Variants in IGSF10 observed in about 807,000 individuals in gnomAD.
IGSF10 encodes immunoglobulin superfamily member 10, also known as calvaria mechanical force protein 608.
Under a neutral mutation model 128.2 loss-of-function variants are expected in IGSF10, and 126 were observed. The ratio of observed to expected loss-of-function variants is 0.98; its 90% CI spans 0.85 to 1.14. IGSF10 has a LOEUF of 1.14. IGSF10 is among the 50% of genes most tolerant of loss of function. IGSF10 has a pLI of 0.00. For synonymous variants in IGSF10, 1,185 were observed against 1,146.2 expected (o/e 1.03, Z -0.68); for missense variants, 3,295 against 3,149.8 (o/e 1.05, Z -1.10).
At chr3:151,508,622 G>A in the IGSF10 span, among the ~76,000 whole-genome samples, 13 of 152,104 alleles carry the variant, frequency 8.5e-5, no homozygotes, top group East Asian at 2.5e-3. Context: ...TCCTATGTTG[G>A]TCAAATATTT....
At chr3:151,504,561 T>C in the IGSF10 span, among the ~76,000 whole-genome samples, 1 of 152,200 alleles carries the variant, frequency 6.6e-6, no homozygotes, top group East Asian at 1.9e-4. Flanking sequence ...GTTCCAATAG[T>C]TACATATCAA....
chr3:151,436,931 C>T lies in IGSF10; in HGVS notation c.7630G>A (p.Ala2544Thr), dbSNP rs1223430810. 1 of 1,614,138 alleles carries T rather than the reference C, an allele frequency of 6.2e-7. No homozygotes were observed. The highest frequency in any genetic ancestry group is 1.3e-5 in the African/African-American group (1 of 75,050). ...GCCACACAGTGGAGCTGAAAGGCTG[C>T]CCCTGTCCTGGTGACAATACTCCTG... Reference protein sequence around the residue: ...PPRSIVTRTGAAFQLHCVALG... With the variant: ...PPRSIVTRTGTAFQLHCVALG... Residue 2544 changes from alanine (A) to threonine (T), a missense_variant, in exon 8 of 8, where the codon GCA becomes ACA. Ala to Thr is a moderately conservative substitution (Grantham distance 58). Transcript: ENST00000282466.
At chr3:151,586,171 G>A in the IGSF10 span, among the ~76,000 whole-genome samples, 1 of 151,966 alleles carries the variant, frequency 6.6e-6, no homozygotes, top group Admixed American at 6.6e-5. Context: ...CATTGCCCAG[G>A]CTGGTCTCAA....
At chr3:151,613,452 G>T in the IGSF10 span, among the ~76,000 whole-genome samples, 3 of 152,160 alleles carry the variant, frequency 2.0e-5, no homozygotes, top group African/African-American at 4.8e-5. Flanking sequence ...AACCAAAACA[G>T]CATGGTACTG....
In IGSF10 at chr3:151,437,059, C is replaced by G; in HGVS notation, c.7502G>C (p.Arg2501Thr). 6.2e-7 allele frequency: 1 copy of G among 1,614,212 alleles called. No individual in the cohort carries two copies. The change falls in exon 8 of 8, where the codon AGA (arginine) becomes ACA (threonine). Residue 2501 changes from arginine to threonine, a missense_variant. By Grantham distance (71) the Arg-to-Thr change is moderately conservative (BLOSUM62 -1). Transcript: ENST00000282466. ...TTGAGCCTTACAGATATAGTTTCCTCTGTCATAAGCTGTTGCTTCTTTAAT... is the reference window on the plus strand; with the variant it reads ...TTGAGCCTTACAGATATAGTTTCCTGTGTCATAAGCTGTTGCTTCTTTAAT... Reference protein sequence around the residue: ...LVIKEATAYDRGNYICKAQNS... With the variant: ...LVIKEATAYDTGNYICKAQNS...
chr3:151,486,958 A>G, the IGSF10 span, among the ~76,000 whole-genome samples: 1 of 152,218 alleles, frequency 6.6e-6, no homozygotes, highest in East Asian at 1.9e-4. Flanking sequence ...TTCAAAAGCT[A>G]GCAGAAGACA....
the IGSF10 span, among the ~76,000 whole-genome samples, chr3:151,538,833 C>A: frequency 6.6e-6 from 1 of 152,154 alleles, no homozygotes; most frequent in South Asian, 2.1e-4. Flanking sequence ...ACCCTTAAAA[C>A]CATTATAATT....
intron 6 of IGSF10, among the ~76,000 whole-genome samples, chr3:151,444,606 C>A (rs925382894): frequency 6.6e-6 from 1 of 152,170 alleles, no homozygotes. Context: ...CCACTGTGCT[C>A]AGCCTGGATT....
chr3:151,586,867 AG>A, the IGSF10 span, among the ~76,000 whole-genome samples: 3 of 152,078 alleles, frequency 2.0e-5, no homozygotes, highest in East Asian at 3.9e-4. Context: ...GAAAATGGAG[AG>A]GGGGGGAAAA....
At chr3:151,463,350 TA>T (rs752663372), upstream of IGSF10, among the ~76,000 whole-genome samples, 3 of 152,088 alleles carry the variant, frequency 2.0e-5, no homozygotes, top group Non-Finnish European at 2.9e-5. Context: ...TCAAAGCCTT[TA>T]TATGTATTGC....
the IGSF10 span, among the ~76,000 whole-genome samples, chr3:151,539,384 C>T: frequency 1.3e-5 from 2 of 152,086 alleles, no homozygotes; most frequent in African/African-American, 4.8e-5. Context: ...ATCAAATAGG[C>T]GAATTCACTC....
chr3:151,534,313 C>G, the IGSF10 span, among the ~76,000 whole-genome samples: 1 of 152,096 alleles, frequency 6.6e-6, no homozygotes, highest in Non-Finnish European at 1.5e-5. Flanking sequence ...GGTATATACC[C>G]AAAGGATTAT....
At position 151,443,007 on chromosome 3, in the gene IGSF10, CTTGGATGGTAACCTCCACATTA is replaced by C. The variant is rs759089028; in HGVS notation, c.5918_5939del (p.Ile1973ArgfsTer27). Reference sequence around the variant, plus strand: ...ACCTATGCTGCTGGTCGACCACAGCCTTGGATGGTAACCTCCACATTATTTGGGGTTTGGGCTCCCCAGTGGC... The same window carrying C: ...ACCTATGCTGCTGGTCGACCACAGCCTTTGGGGTTTGGGCTCCCCAGTGGC... On this transcript the variant is annotated frameshift_variant, in exon 7 of 8. Transcript: ENST00000282466. LOFTEE classifies it low-confidence loss of function (END_TRUNC). 2.5e-6 allele frequency: 4 copies of C among 1,614,062 alleles called. No homozygotes were observed. Among genetic ancestry groups the C allele is most frequent in the Non-Finnish European group, 3.4e-6 (4 of 1,179,950 alleles).
intron 7 of IGSF10, among the ~76,000 whole-genome samples, chr3:151,442,227 T>A (rs1356434036): frequency 3.3e-5 from 5 of 152,004 alleles, no homozygotes; most frequent in Admixed American, 6.6e-5. Context: ...AAAGAAAAAA[T>A]TAAGTACTGA....
In IGSF10 at chr3:151,453,469, G is replaced by A; in HGVS notation, c.630C>T (p.Asp210=). The A allele has an allele frequency of 1.2e-6, 2 of 1,613,968 alleles. No homozygotes were observed. Among genetic ancestry groups the A allele is most frequent in the East Asian group, 2.2e-5 (1 of 44,866 alleles). ...LPQEMVSYMP[D]LDSLYLHGNP... is the part of the protein sequence containing the mutation. ...TTCCATGCAGGTAAAGGCTGTCTAG[G>A]TCAGGCATATAGGAGACCATCTCTT... Residue 210 remains aspartate, a synonymous_variant, in exon 5 of 8, where the codon GAC becomes GAT. Transcript: ENST00000282466.
At chr3:151,529,085 G>A in the IGSF10 span, among the ~76,000 whole-genome samples, 15 of 152,236 alleles carry the variant, frequency 9.9e-5, no homozygotes, top group African/African-American at 7.2e-5. Context: ...CAAAGCTGCC[G>A]GGAGGTTCAA....
At chr3:151,573,740 T>C in the IGSF10 span, among the ~76,000 whole-genome samples, 4 of 152,222 alleles carry the variant, frequency 2.6e-5, no homozygotes, top group East Asian at 1.9e-4. Flanking sequence ...TTAAGGTTAA[T>C]GTTGTTATGT....
At chr3:151,524,462 A>G in the IGSF10 span, among the ~76,000 whole-genome samples, 1 of 152,186 alleles carries the variant, frequency 6.6e-6, no homozygotes, top group Non-Finnish European at 1.5e-5. Flanking sequence ...AAAGAATAAG[A>G]TCATGTCTTT....
chr3:151,442,989 C>T lies in IGSF10; in HGVS notation c.5958G>A (p.Gln1986=), dbSNP rs150778672. 1.3e-5 allele frequency: 21 copies of T among 1,612,884 alleles called. No homozygotes were observed. The African/African-American group carries it at 2.4e-4, about 18-fold the overall frequency. The change falls in exon 7 of 8, where the codon CAG becomes CAA. Residue 1986 remains glutamine (Q), a synonymous_variant. Coordinates refer to ENST00000282466, the MANE Select transcript of IGSF10 (RefSeq NM_178822.5). ...ACCCAAAGGTATAGACTTACCTATGCTGCTGGTCGACCACAGCCTTGGATG... is the reference window on the plus strand; with the variant it reads ...ACCCAAAGGTATAGACTTACCTATGTTGCTGGTCGACCACAGCCTTGGATG... ...RLPSKAVVDQ[Q]HRVGSWIHVY...
Sources: allele counts gnomAD v4.1 joint callset (sites outside exome capture counted in the v4.1 genomes callset), GRCh38; gene constraint gnomAD v4.1.1; transcripts MANE v1.5; gene names NCBI Gene and HGNC (gene_info 2026-07-23, HGNC 2026-07-21).